Variants in EIF2B1 observed in about 807,000 individuals in gnomAD.
EIF2B1 encodes translation initiation factor eIF2B subunit alpha.
EIF2B1 carries 30 observed loss-of-function variants against 36.8 expected under a neutral mutation model. The ratio of observed to expected loss-of-function variants is 0.81; its 90% confidence interval spans 0.61 to 1.10. The LOEUF (loss-of-function observed/expected upper bound fraction) is 1.10. Among genes scored for constraint, EIF2B1 ranks in the 50% least tolerant of loss-of-function variants. The pLI is 0.00. For synonymous variants in EIF2B1, 139 were observed against 142.2 expected (o/e 0.98, Z 0.16); for missense variants, 271 against 374.8 (o/e 0.72, Z 2.29).
chr12:123,631,257 C>T (rs1040541597), intron 2 of EIF2B1, among the ~76,000 whole-genome samples: 8 of 152,278 alleles, frequency 5.3e-5, no homozygotes, highest in African/African-American at 1.2e-4. Context: ...TTCATGACAA[C>T]GTAAGAGCTC....
chr12:123,633,656 G>A lies in EIF2B1; in HGVS notation c.-99C>T. 3 of 1,558,002 alleles carry A rather than the reference G, an allele frequency of 1.9e-6. No homozygotes were observed. Among genetic ancestry groups the A allele is most frequent in the Non-Finnish European group, 2.6e-6 (3 of 1,142,874 alleles). ...CGCCTGCGAGCCAGTCTGACAGCGCGCTGCACACCTCCGCACCCCACTTCC... is the reference window on the plus strand; with the variant it reads ...CGCCTGCGAGCCAGTCTGACAGCGCACTGCACACCTCCGCACCCCACTTCC... On this transcript the variant is annotated 5_prime_UTR_variant, in exon 1 of 9. Coordinates refer to ENST00000424014, the MANE Select transcript of EIF2B1 (RefSeq NM_001414.4).
chr12:123,626,654 A>C, intron 5 of EIF2B1, 161 bp from the exon 6 acceptor site: 1 of 819,922 alleles, frequency 1.2e-6, no homozygotes, highest in Admixed American at 2.1e-5. Flanking sequence ...CAAGAATTTG[A>C]GTTCTTTAGA....
chr12:123,629,998 G>A, intron 4 of EIF2B1, 171 bp downstream of exon 4: 1 of 691,684 alleles, frequency 1.4e-6, no homozygotes, highest in South Asian at 1.6e-5. Flanking sequence ...ACAACCCAAG[G>A]AGGTAGGTAC....
chr12:123,633,163 G>C (rs1454111625), intron 1 of EIF2B1, among the ~76,000 whole-genome samples: 1 of 150,510 alleles, frequency 6.6e-6, no homozygotes, highest in Non-Finnish European at 1.5e-5. Flanking sequence ...ATTATACATG[G>C]AGTTCCACCC....
At chr12:123,627,297 G>A in intron 4 of EIF2B1, 141 bp from the exon 5 acceptor site, 1 of 751,564 alleles carries the variant, frequency 1.3e-6, no homozygotes, top group Non-Finnish European at 2.3e-6. Flanking sequence ...AAGGAGACCT[G>A]ATGGTACAGT....
At position 123,627,112 on chromosome 12, in the gene EIF2B1, C is replaced by G; in HGVS notation, c.414G>C (p.Leu138=). The G allele has an allele frequency of 6.2e-7, 1 of 1,614,184 alleles. No homozygotes were observed. Among genetic ancestry groups the G allele is most frequent in the Non-Finnish European group, 8.5e-7 (1 of 1,180,042 alleles). The part of the protein sequence containing the change: ...HAYSRVVLRV[L]EAAVAAKKRF... ...GCTTCTTGGCCGCCACGGCTGCTTCCAGGACTCTCAGGACCACTCTGGAGT... is the reference window on the plus strand; with the variant it reads ...GCTTCTTGGCCGCCACGGCTGCTTCGAGGACTCTCAGGACCACTCTGGAGT... Residue 138 remains leucine (L), a synonymous_variant, in exon 5 of 9, where the codon CTG becomes CTC. Coordinates refer to ENST00000424014, the MANE Select transcript of EIF2B1 (RefSeq NM_001414.4).
In EIF2B1 at chr12:123,633,620, G is replaced by T; in HGVS notation, c.-63C>A. 1 of 1,596,692 alleles carries T rather than the reference G, an allele frequency of 6.3e-7. No homozygotes were observed. Among genetic ancestry groups the T allele is most frequent in the Non-Finnish European group, 8.5e-7 (1 of 1,177,684 alleles). Reference sequence around the variant, plus strand: ...CGCCCGCGCTGTCTCGAACGGGTCCGCCGGCCGCGCCGCCTGCGAGCCAGT... The same window carrying T: ...CGCCCGCGCTGTCTCGAACGGGTCCTCCGGCCGCGCCGCCTGCGAGCCAGT... On this transcript the variant is annotated 5_prime_UTR_variant, in exon 1 of 9. Transcript: ENST00000424014.
In EIF2B1 at chr12:123,633,626, C is replaced by T. The variant is rs1310936300; in HGVS notation, c.-69G>A. The stretch of plus-strand genomic sequence containing the variant: ...CGCTGTCTCGAACGGGTCCGCCGGC[C>T]GCGCCGCCTGCGAGCCAGTCTGACA... On this transcript the variant is annotated 5_prime_UTR_variant, in exon 1 of 9. Coordinates refer to ENST00000424014, the MANE Select transcript of EIF2B1 (RefSeq NM_001414.4). 1 of 1,596,356 alleles carries T rather than the reference C, an allele frequency of 6.3e-7. No individual in the cohort carries two copies. Among genetic ancestry groups the T allele is most frequent in the Non-Finnish European group, 8.5e-7 (1 of 1,177,652 alleles).
At chr12:123,627,258 C>T (rs1290962677) in intron 4 of EIF2B1, 102 bp from the exon 5 acceptor site, 2 of 876,548 alleles carry the variant, frequency 2.3e-6, no homozygotes, top group Non-Finnish European at 3.8e-6. Flanking sequence ...CATCTCTGTA[C>T]ACTTTCTCAC....
At position 123,624,545 on chromosome 12, in the gene EIF2B1, G is replaced by A. The variant is rs779458984; in HGVS notation, c.627+242C>T. ...AAATTGCTAGGATTACAGGTATAAG[G>A]CATCACACCTGACCAAATTACATTG... On this transcript the variant is annotated intron_variant, in intron 7 of 8. Transcript: ENST00000424014. 6.4e-4 allele frequency among the ~76,000 whole-genome samples: 97 copies of A among 152,050 alleles called. 1 individual carries two copies. Among genetic ancestry groups the A allele is most frequent in the African/African-American group, 2.3e-3 (96 of 41,392 alleles).
At chr12:123,622,048 G>T in intron 8 of EIF2B1, 128 bp from the exon 9 acceptor site, 1 of 1,313,656 alleles carries the variant, frequency 7.6e-7, no homozygotes, top group Non-Finnish European at 1.1e-6. Context: ...ACTAAGCTAT[G>T]CAGGACACTA....
chr12:123,632,945 CAA>C (rs4040224), intron 1 of EIF2B1, among the ~76,000 whole-genome samples: 11 of 75,074 alleles, frequency 1.5e-4, no homozygotes, highest in Admixed American at 1.7e-4. Context: ...GACTCCGTCT[CAA>C]AAAAAAAAAA....
rs863225049 is a variant in EIF2B1 at position 123,621,841 on chromosome 12, G to A, written c.833C>T (p.Pro278Leu). The change falls in exon 9 of 9, where the codon CCT becomes CTT. Residue 278 changes from proline (P) to leucine (L), a missense_variant. Transcript: ENST00000424014. ...TGTAAACAGCAGAGTGATTAAGGAA[G>A]GGGCAGTGTAGTCGACCCACGGATG... Reference protein sequence around the residue: ...EEHPWVDYTAPSLITLLFTDL... With the variant: ...EEHPWVDYTALSLITLLFTDL... The A allele has an allele frequency of 6.2e-7, 1 of 1,613,944 alleles. No individual in the cohort carries two copies. Among genetic ancestry groups the A allele is most frequent in the African/African-American group, 1.3e-5 (1 of 74,914 alleles).
chr12:123,632,760 A>C (rs1399192251), intron 1 of EIF2B1, among the ~76,000 whole-genome samples: 1 of 151,516 alleles, frequency 6.6e-6, no homozygotes, highest in African/African-American at 2.4e-5. Context: ...TCCCGGCTAA[A>C]ACGGTGAAAC....
At chr12:123,624,467 C>T (rs901685159) in intron 7 of EIF2B1, among the ~76,000 whole-genome samples, 7 of 151,988 alleles carry the variant, frequency 4.6e-5, no homozygotes, top group African/African-American at 1.7e-4. Context: ...ACTATGTTGC[C>T]CAGGCTGGTC....
chr12:123,627,232 T>C, intron 4 of EIF2B1, 76 bp from the exon 5 acceptor site: 1 of 1,095,222 alleles, frequency 9.1e-7, no homozygotes, highest in Non-Finnish European at 1.4e-6. Context: ...GCGGCACGTG[T>C]TCCCGACACC....
chr12:123,627,633 G>A (rs1044917069), intron 4 of EIF2B1, among the ~76,000 whole-genome samples: 4 of 152,208 alleles, frequency 2.6e-5, no homozygotes, highest in African/African-American at 7.2e-5. Context: ...GACTGCCTGA[G>A]CCCAGGAGTT....
At chr12:123,627,681 TACAAAAAATAACA>T (rs533270669) in intron 4 of EIF2B1, among the ~76,000 whole-genome samples, 48 of 152,114 alleles carry the variant, frequency 3.2e-4, no homozygotes, top group African/African-American at 1.2e-3. Flanking sequence ...ACCTCATCTC[TACAAAAAATAACA>T]ACAAAAAAAA....
intron 8 of EIF2B1, 129 bp from the exon 9 acceptor site, chr12:123,622,049 C>A: frequency 7.6e-7 from 1 of 1,310,280 alleles, no homozygotes; most frequent in Non-Finnish European, 1.1e-6. Flanking sequence ...CTAAGCTATG[C>A]AGGACACTAG....
Sources: gnomAD v4.1 joint callset for allele counts (sites outside exome capture counted in the v4.1 genomes callset) on GRCh38, gnomAD v4.1.1 for gene constraint, MANE v1.5 for transcripts, NCBI Gene and HGNC (gene_info 2026-07-23, HGNC 2026-07-21) for gene names.